KCND2: variants seen among roughly 807,000 people sequenced by gnomAD.
KCND2 encodes the protein potassium voltage-gated channel subfamily D member 2, also known as A-type voltage-gated potassium channel KCND2.
Under a neutral mutation model 54.4 loss-of-function variants are expected in KCND2, and 16 were observed. The observed-to-expected ratio is 0.29, with a 90% confidence interval of 0.20 to 0.45. KCND2 has a LOEUF of 0.45. Ranked by LOEUF, KCND2 falls within the 20% of genes least tolerant of loss-of-function variation. The pLI is 1.00. For synonymous variants in KCND2, 317 were observed against 310.7 expected, an observed-to-expected ratio of 1.02 and a Z score of -0.21; for missense variants, 486 against 824.2, an observed-to-expected ratio of 0.59 and a Z score of 5.02.
intron 1 of KCND2, among the ~76,000 whole-genome samples, chr7:120,585,348 A>G (rs1792583474): frequency 6.6e-6 from 1 of 152,164 alleles, no homozygotes; most frequent in Admixed American, 6.6e-5. Flanking sequence ...TAGTGAAGGT[A>G]AAGAAAGTCA....
intron 1 of KCND2, among the ~76,000 whole-genome samples, chr7:120,446,936 G>A (rs2116208825): frequency 6.6e-6 from 1 of 152,248 alleles, no homozygotes; most frequent in South Asian, 2.1e-4. Context: ...ATTACTTCAG[G>A]AGATTCAAAC....
At chr7:120,427,262 CACGTA>C (rs1253831507) in intron 1 of KCND2, among the ~76,000 whole-genome samples, 1 of 152,166 alleles carries the variant, frequency 6.6e-6, no homozygotes, top group African/African-American at 2.4e-5. Flanking sequence ...TAGGATATAG[CACGTA>C]GTTTATATCT....
At chr7:120,711,780 A>T (rs1792541192) in intron 1 of KCND2, among the ~76,000 whole-genome samples, 2 of 152,144 alleles carry the variant, frequency 1.3e-5, no homozygotes, top group South Asian at 4.1e-4. Flanking sequence ...TTCAAAAATG[A>T]TTTGTAAGAT....
In KCND2 at chr7:120,335,630, C is replaced by T. The variant is rs978399220; in HGVS notation, c.1115+59883C>T. Among the ~76,000 whole-genome samples, 17 of 151,696 alleles carry T rather than the reference C, an allele frequency of 1.1e-4. No individual in the cohort carries two copies. The East Asian group carries it at 3.1e-3, about 28-fold the overall frequency. On this transcript the variant is annotated intron_variant, in intron 1 of 5. Transcript: ENST00000331113. ...CCTCCTGGGTAGCTGGGACTACAGG[C>T]GCCCCCCACCACGCCTGGCTAATTT...
intron 1 of KCND2, among the ~76,000 whole-genome samples, chr7:120,525,254 T>C (rs1245129266): frequency 6.6e-6 from 1 of 152,192 alleles, no homozygotes; most frequent in East Asian, 1.9e-4. Context: ...AACTATTCTT[T>C]GGAGAAGAGG....
At chr7:120,289,268 T>A (rs1460594675) in intron 1 of KCND2, among the ~76,000 whole-genome samples, 1 of 152,038 alleles carries the variant, frequency 6.6e-6, no homozygotes, top group Non-Finnish European at 1.5e-5. Flanking sequence ...ACTGTCCCCC[T>A]TATTTGCCAC....
intron 1 of KCND2, among the ~76,000 whole-genome samples, chr7:120,561,425 A>T (rs946178981): frequency 6.6e-6 from 1 of 152,108 alleles, no homozygotes; most frequent in African/African-American, 2.4e-5. Context: ...CTAAGTCTTT[A>T]TCAAAACTAA....
intron 1 of KCND2, among the ~76,000 whole-genome samples, chr7:120,409,572 T>C (rs921569179): frequency 1.3e-5 from 2 of 151,970 alleles, no homozygotes; most frequent in Admixed American, 6.6e-5. Context: ...TGGTCAACTT[T>C]TGTACTTTGA....
chr7:120,313,725 C>A (rs931525151), intron 1 of KCND2, among the ~76,000 whole-genome samples: 5 of 146,294 alleles, frequency 3.4e-5, no homozygotes, highest in African/African-American at 9.9e-5. Context: ...AAACTCTGCT[C>A]AAGATGTCTC....
chr7:120,430,628 T>G (rs1801775072), intron 1 of KCND2, among the ~76,000 whole-genome samples: 1 of 152,192 alleles, frequency 6.6e-6, no homozygotes, highest in Non-Finnish European at 1.5e-5. Flanking sequence ...TCAATTTTGG[T>G]ATAGTATCAA....
In KCND2 at chr7:120,275,427, C is replaced by T. The variant is rs776818004; in HGVS notation, c.795C>T (p.Ile265=). The change falls in exon 1 of 6, where the codon ATC becomes ATT. Residue 265 remains isoleucine (I), a synonymous_variant. Coordinates refer to ENST00000331113, the MANE Select transcript of KCND2 (RefSeq NM_012281.3). ...TTGTGCGTAGTGTCATGAGTATCAT[C>T]GACGTGGTGGCCATCCTGCCTTATT... ...YRFVRSVMSI[I]DVVAILPYYI... 61 of 1,613,618 alleles carry T rather than the reference C, an allele frequency of 3.8e-5. No individual in the cohort carries two copies. The highest frequency in any genetic ancestry group is 3.3e-5 in the Admixed American group (2 of 59,940).
At chr7:120,558,936 C>T (rs1792198162) in intron 1 of KCND2, among the ~76,000 whole-genome samples, 1 of 151,848 alleles carries the variant, frequency 6.6e-6, no homozygotes, top group Non-Finnish European at 1.5e-5. Context: ...CTTTGGTCTA[C>T]AAATTATCTG....
At chr7:120,580,513 A>G (rs1490087074) in intron 1 of KCND2, among the ~76,000 whole-genome samples, 5 of 152,138 alleles carry the variant, frequency 3.3e-5, no homozygotes, top group Non-Finnish European at 7.4e-5. Context: ...AATCAGAATC[A>G]GGGTACTGCA....
At chr7:120,714,344 T>C (rs1458365063) in intron 1 of KCND2, among the ~76,000 whole-genome samples, 4 of 152,120 alleles carry the variant, frequency 2.6e-5, no homozygotes, top group Non-Finnish European at 5.9e-5. Flanking sequence ...TCTATCTGAT[T>C]GTGCAAGTAA....
chr7:120,331,690 AC>A (rs1455640369), intron 1 of KCND2, among the ~76,000 whole-genome samples: 1 of 152,044 alleles, frequency 6.6e-6, no homozygotes, highest in African/African-American at 2.4e-5. Flanking sequence ...TAATATCTAT[AC>A]TTTTAATTTA....
At chr7:120,675,204 A>G (rs1792044832) in intron 1 of KCND2, among the ~76,000 whole-genome samples, 1 of 151,696 alleles carries the variant, frequency 6.6e-6, no homozygotes, top group South Asian at 2.1e-4. Context: ...TAACTTTATC[A>G]TTCTTTATTG....
At chr7:120,643,419 C>T (rs1277982635) in intron 1 of KCND2, among the ~76,000 whole-genome samples, 1 of 152,014 alleles carries the variant, frequency 6.6e-6, no homozygotes, top group African/African-American at 2.4e-5. Flanking sequence ...TATATATATA[C>T]TCAAATGCAA....
chr7:120,309,440 T>C (rs1799695807), intron 1 of KCND2, among the ~76,000 whole-genome samples: 1 of 112,604 alleles, frequency 8.9e-6, no homozygotes, highest in Non-Finnish European at 2.0e-5. Context: ...ATAGTTTAAA[T>C]ATAATAGAAA....
chr7:120,497,535 G>A (rs1260549481), intron 1 of KCND2, among the ~76,000 whole-genome samples: 2 of 152,132 alleles, frequency 1.3e-5, no homozygotes, highest in Non-Finnish European at 2.9e-5. Flanking sequence ...ATTTCAGGAG[G>A]CAAGTATAGC....
Sources: allele counts gnomAD v4.1 joint callset (sites outside exome capture counted in the v4.1 genomes callset), GRCh38; gene constraint gnomAD v4.1.1; transcripts MANE v1.5; gene names NCBI Gene and HGNC (gene_info 2026-07-23, HGNC 2026-07-21).